The following GTF2F2 variants were observed in gnomAD, a reference collection of about 807,000 sequenced individuals.
The protein encoded by GTF2F2 is ATP-dependent helicase GTF2F2.
A neutral mutation model predicts 42.2 loss-of-function variants in GTF2F2; 23 were observed. The ratio of observed to expected loss-of-function variants is 0.55; its 90% confidence interval spans 0.39 to 0.77. The LOEUF (loss-of-function observed/expected upper bound fraction) is 0.77. Ranked by LOEUF, GTF2F2 falls within the 30% of genes least tolerant of loss-of-function variation. GTF2F2 has a pLI of 0.00. For missense variants in GTF2F2, 261 were observed against 287.2 expected (o/e 0.91, Z 0.66); for synonymous variants, 105 against 100.8 (o/e 1.04, Z -0.25).
chr13:45,129,219 A>G lies in GTF2F2; in HGVS notation c.67-7514A>G, dbSNP rs548880006. 1.3e-4 allele frequency among the ~76,000 whole-genome samples: 20 copies of G among 151,866 alleles called. No homozygotes were observed. In the South Asian group the frequency reaches 3.3e-3, roughly 25 times the overall value. ...ACTATTTGCATTTTGTCCTCTTCCTATTTATTTATGACAGAGTCTTACACT... is the reference window on the plus strand; with the variant it reads ...ACTATTTGCATTTTGTCCTCTTCCTGTTTATTTATGACAGAGTCTTACACT... On this transcript the variant is annotated intron_variant, in intron 1 of 7. Coordinates refer to ENST00000340473, the MANE Select transcript of GTF2F2 (RefSeq NM_004128.3).
At chr13:45,172,893 A>G (rs1871668021) in intron 4 of GTF2F2, among the ~76,000 whole-genome samples, 1 of 149,402 alleles carries the variant, frequency 6.7e-6, no homozygotes, top group Non-Finnish European at 1.5e-5. Flanking sequence ...CCAACCCTCC[A>G]CCTTTCTTTT....
chr13:45,203,197 C>G (rs909131366), intron 4 of GTF2F2, among the ~76,000 whole-genome samples: 1 of 151,846 alleles, frequency 6.6e-6, no homozygotes. Flanking sequence ...ATGCCTTAGC[C>G]TCCCAAATAG....
chr13:45,283,569 C>T lies in GTF2F2; in HGVS notation c.*8C>T, dbSNP rs1877351256. On this transcript the variant is annotated 3_prime_UTR_variant, in exon 8 of 8. Coordinates refer to ENST00000340473, the MANE Select transcript of GTF2F2 (RefSeq NM_004128.3). ...GAAGAAAAGAGTGACTAAGAAGACT[C>T]CTAGCCAGCATGCTAGTGAAACGAC... 1 of 1,596,384 alleles carries T rather than the reference C, an allele frequency of 6.3e-7. No individual in the cohort carries two copies. The highest frequency in any genetic ancestry group is 8.5e-7 in the Non-Finnish European group (1 of 1,173,342).
In GTF2F2 at chr13:45,267,364, A is replaced by C; in HGVS notation, c.618A>C (p.Thr206=). 1 of 1,607,724 alleles carries C rather than the reference A, an allele frequency of 6.2e-7. No homozygotes were observed. Among genetic ancestry groups the C allele is most frequent in the Non-Finnish European group, 8.5e-7 (1 of 1,175,674 alleles). The change falls in exon 7 of 8, where the codon ACA becomes ACC. Residue 206 remains threonine (T), a synonymous_variant. Transcript: ENST00000340473. Reference sequence around the variant, plus strand: ...ATCTTAAGGACTTGGTGGACATCACAAAGCAACCTGTGGTATGTATATGTT... The same window carrying C: ...ATCTTAAGGACTTGGTGGACATCACCAAGCAACCTGTGGTATGTATATGTT... ...YYNLKDLVDI[T]KQPVVYLKEI...
intron 4 of GTF2F2, among the ~76,000 whole-genome samples, chr13:45,192,324 G>A (rs2138170632): frequency 6.6e-6 from 1 of 152,128 alleles, no homozygotes; most frequent in African/African-American, 2.4e-5. Context: ...GTTTCTTTTA[G>A]CATATACAGC....
intron 3 of GTF2F2, among the ~76,000 whole-genome samples, chr13:45,151,119 G>T (rs991252645): frequency 5.3e-5 from 8 of 151,906 alleles, no homozygotes; most frequent in African/African-American, 2.4e-5. Context: ...TTAACCCTTG[G>T]TCTCCTCTCT....
At chr13:45,174,387 A>C (rs1208793452) in intron 4 of GTF2F2, among the ~76,000 whole-genome samples, 1 of 152,176 alleles carries the variant, frequency 6.6e-6, no homozygotes, top group Non-Finnish European at 1.5e-5. Context: ...AACAGCTGAA[A>C]TAGAACATGT....
intron 5 of GTF2F2, among the ~76,000 whole-genome samples, chr13:45,246,554 T>G (rs951187302): frequency 2.6e-5 from 4 of 152,196 alleles, no homozygotes; most frequent in African/African-American, 9.7e-5. Flanking sequence ...TCCTAGTCAG[T>G]GATGTCCATT....
intron 6 of GTF2F2, among the ~76,000 whole-genome samples, chr13:45,257,892 AG>A (rs1467727868): frequency 1.3e-5 from 2 of 152,144 alleles, no homozygotes; most frequent in Non-Finnish European, 2.9e-5. Flanking sequence ...TCAGCTTTTT[AG>A]CATTGGTGCT....
intron 1 of GTF2F2, among the ~76,000 whole-genome samples, chr13:45,121,930 T>C (rs1868658179): frequency 6.6e-6 from 1 of 152,092 alleles, no homozygotes; most frequent in South Asian, 2.1e-4. Flanking sequence ...CCTTACGGAC[T>C]GAAGGAAAAA....
At chr13:45,194,854 A>T (rs1217296139) in intron 4 of GTF2F2, 8 of 385,726 alleles carry the variant, frequency 2.1e-5, no homozygotes, top group African/African-American at 1.6e-4. Context: ...AATAAGAGTT[A>T]CTCAGAATAA....
At chr13:45,244,829 C>G (rs944077766) in intron 5 of GTF2F2, among the ~76,000 whole-genome samples, 2 of 152,166 alleles carry the variant, frequency 1.3e-5, no homozygotes, top group Non-Finnish European at 2.9e-5. Context: ...AGCCACCATG[C>G]CTGGCTAATT....
At chr13:45,179,702 T>G (rs1402474797) in intron 4 of GTF2F2, among the ~76,000 whole-genome samples, 1 of 152,204 alleles carries the variant, frequency 6.6e-6, no homozygotes, top group Non-Finnish European at 1.5e-5. Context: ...TTCCCCATAT[T>G]TGGGGCTTGT....
Position 45,210,002 on chromosome 13 carries a change from A to C in GTF2F2, c.386+2497A>C, listed in dbSNP as rs551031544. 5.3e-5 allele frequency among the ~76,000 whole-genome samples: 8 copies of C among 152,246 alleles called. No homozygotes were observed. In the East Asian group the frequency reaches 1.5e-3, roughly 29 times the overall value. ...CCCCCATGAACTGCCATTATTTCTTACCTGGATTACTGCAGTAGCCTCCTA... is the reference window on the plus strand; with the variant it reads ...CCCCCATGAACTGCCATTATTTCTTCCCTGGATTACTGCAGTAGCCTCCTA... On this transcript the variant is annotated intron_variant, in intron 5 of 7. Coordinates refer to ENST00000340473, the MANE Select transcript of GTF2F2 (RefSeq NM_004128.3).
At chr13:45,121,743 T>C (rs1593438963) in intron 1 of GTF2F2, among the ~76,000 whole-genome samples, 1 of 152,246 alleles carries the variant, frequency 6.6e-6, no homozygotes. Context: ...TGGTAATTAC[T>C]CAACAAATAG....
chr13:45,238,821 G>A (rs1021801718), intron 5 of GTF2F2, among the ~76,000 whole-genome samples: 3 of 151,880 alleles, frequency 2.0e-5, no homozygotes, highest in Non-Finnish European at 2.9e-5. Context: ...GCGCATGCCT[G>A]TAATCTCAGC....
chr13:45,131,765 G>A (rs1464574693), intron 1 of GTF2F2, among the ~76,000 whole-genome samples: 14 of 151,938 alleles, frequency 9.2e-5, no homozygotes, highest in Admixed American at 8.5e-4. Flanking sequence ...ACTTAGCTGG[G>A]CATGGTGGTG....
rs561519536 is a variant in GTF2F2, at chr13:45,122,734, C to T, written c.66+2013C>T. ...TTTGAATTGAAGTACATATTGATTTCAAGTTTTTTCTCCTTACATTAATTT... is the reference window on the plus strand; with the variant it reads ...TTTGAATTGAAGTACATATTGATTTTAAGTTTTTTCTCCTTACATTAATTT... On this transcript the variant is annotated intron_variant, in intron 1 of 7. Coordinates refer to ENST00000340473, the MANE Select transcript of GTF2F2 (RefSeq NM_004128.3). Among the ~76,000 whole-genome samples the T allele has an allele frequency of 1.5e-4, 23 of 152,290 alleles. No homozygotes were observed. In the South Asian group the frequency reaches 3.5e-3, roughly 23 times the overall value.
At chr13:45,136,982 T>C (rs1348690981) in intron 2 of GTF2F2, among the ~76,000 whole-genome samples, 176 bp downstream of exon 2, 1 of 152,210 alleles carries the variant, frequency 6.6e-6, no homozygotes, top group Non-Finnish European at 1.5e-5. Context: ...TCCTTGCACA[T>C]ACACACATAT....
Sources: gnomAD v4.1 joint callset for allele counts (sites outside exome capture counted in the v4.1 genomes callset) on GRCh38, gnomAD v4.1.1 for gene constraint, MANE v1.5 for transcripts, NCBI Gene and HGNC (gene_info 2026-07-23, HGNC 2026-07-21) for gene names.